Variants in MCTP1 observed in about 807,000 individuals in gnomAD.
MCTP1 encodes the protein multiple C2 and transmembrane domain-containing protein 1.
MCTP1 carries 69 observed loss-of-function variants against 120.6 expected under a neutral mutation model. That is an observed-to-expected ratio of 0.57 (90% CI 0.47 to 0.70). MCTP1 has a LOEUF of 0.70. Among genes scored for constraint, MCTP1 ranks in the 30% least tolerant of loss-of-function variants. The pLI, the probability that MCTP1 is intolerant of heterozygous loss-of-function variation, is 0.00. For missense variants in MCTP1, 1,203 were observed against 1,248.8 expected, an observed-to-expected ratio of 0.96 and a Z score of 0.55; for synonymous variants, 529 against 493.1, an observed-to-expected ratio of 1.07 and a Z score of -0.96.
chr5:94,752,257 G>A (rs1203752979), intron 19 of MCTP1, among the ~76,000 whole-genome samples: 2 of 150,794 alleles, frequency 1.3e-5, no homozygotes, highest in African/African-American at 4.9e-5. Flanking sequence ...TATCCAAAGT[G>A]GTTACCTGAG....
At position 95,142,748 on chromosome 5, in the gene MCTP1, C is replaced by A. The variant is rs577207690; in HGVS notation, c.721-125264G>T. The stretch of plus-strand genomic sequence containing the variant: ...AAAGAGCTCACCGGCCTCTGACCAA[C>A]AATTGCCCTGAATCTTTCACCTCCA... On this transcript the variant is annotated intron_variant, in intron 1 of 22. Transcript: ENST00000515393. Among the ~76,000 whole-genome samples the A allele has an allele frequency of 1.4e-4, 21 of 152,280 alleles. No individual in the cohort carries two copies. The East Asian group carries it at 3.9e-3, about 28-fold the overall frequency.
Position 94,707,323 on chromosome 5 carries a change from T to C in MCTP1, c.*173A>G. ...CCTTTATCAAGTTGAGTCTGTACAATAGAAGTATATATTCAAAGACATATG... is the reference window on the plus strand; with the variant it reads ...CCTTTATCAAGTTGAGTCTGTACAACAGAAGTATATATTCAAAGACATATG... On this transcript the variant is annotated 3_prime_UTR_variant, in exon 23 of 23. Transcript: ENST00000515393. 2 of 568,970 alleles carry C rather than the reference T, an allele frequency of 3.5e-6. No individual in the cohort carries two copies. The highest frequency in any genetic ancestry group is 4.5e-5 in the South Asian group (2 of 44,212). The allele number at this position is 568,970 out of a possible 1,614,324, so 35.2% of individuals were successfully genotyped here.
chr5:95,000,382 G>C (rs1017701904), intron 2 of MCTP1, among the ~76,000 whole-genome samples: 5 of 152,156 alleles, frequency 3.3e-5, no homozygotes, highest in African/African-American at 1.2e-4. Context: ...TCTCAGGCAG[G>C]TCCTTCAGGA....
intron 1 of MCTP1, among the ~76,000 whole-genome samples, chr5:95,212,333 T>C (rs1752483818): frequency 6.6e-6 from 1 of 152,172 alleles, no homozygotes; most frequent in Non-Finnish European, 1.5e-5. Context: ...AATCTCTGAA[T>C]AGACCAATAA....
At chr5:95,007,926 A>C (rs936464856) in intron 2 of MCTP1, among the ~76,000 whole-genome samples, 4 of 152,174 alleles carry the variant, frequency 2.6e-5, no homozygotes, top group Non-Finnish European at 5.9e-5. Flanking sequence ...TCTACTCAAC[A>C]CAGGATTTTT....
chr5:94,743,141 TAAAAA>T (rs11327016), intron 19 of MCTP1, among the ~76,000 whole-genome samples: 1 of 138,850 alleles, frequency 7.2e-6, no homozygotes. Context: ...TAACCCAATG[TAAAAA>T]AAAAAAAAAA....
intron 17 of MCTP1, among the ~76,000 whole-genome samples, chr5:94,838,834 A>G (rs568617130): frequency 6.6e-6 from 1 of 152,302 alleles, no homozygotes; most frequent in Admixed American, 6.5e-5. Flanking sequence ...TAGAAAAGGC[A>G]ACAAGATGAT....
intron 1 of MCTP1, among the ~76,000 whole-genome samples, chr5:95,114,251 C>CAGAA (rs1220317899): frequency 1.3e-5 from 2 of 152,176 alleles, no homozygotes; most frequent in Non-Finnish European, 2.9e-5. Context: ...TTGAGAAATG[C>CAGAA]AGAAAGAAAA....
Position 94,886,348 on chromosome 5 carries a change from C to T in MCTP1, c.1933+2531G>A, listed in dbSNP as rs145552650. Among the ~76,000 whole-genome samples, 4 of 152,268 alleles carry T rather than the reference C, an allele frequency of 2.6e-5. No homozygotes were observed. In the East Asian group the frequency reaches 7.7e-4, roughly 29 times the overall value. ...GTAACTGTAGTAAGATTGATGGCTACTTAAAAGACTATAGAATCTTTCTTT... is the reference window on the plus strand; with the variant it reads ...GTAACTGTAGTAAGATTGATGGCTATTTAAAAGACTATAGAATCTTTCTTT... On this transcript the variant is annotated intron_variant, in intron 12 of 22. Coordinates refer to ENST00000515393, the MANE Select transcript of MCTP1 (RefSeq NM_024717.7).
intron 19 of MCTP1, among the ~76,000 whole-genome samples, chr5:94,723,464 G>A (rs1761360778): frequency 6.6e-6 from 1 of 152,054 alleles, no homozygotes; most frequent in Admixed American, 6.5e-5. Context: ...GTGACTCAGT[G>A]TTAACTTGTC....
intron 1 of MCTP1, among the ~76,000 whole-genome samples, chr5:95,131,652 T>A (rs1344429359): frequency 6.6e-6 from 1 of 152,206 alleles, no homozygotes; most frequent in Non-Finnish European, 1.5e-5. Flanking sequence ...TTTCTTTACT[T>A]ATTTCATTTA....
intron 10 of MCTP1, among the ~76,000 whole-genome samples, chr5:94,906,400 C>T (rs552990495): frequency 2.6e-5 from 4 of 152,038 alleles, no homozygotes; most frequent in African/African-American, 4.8e-5. Context: ...GTGGGAGGAT[C>T]GCTTGAGCCC....
intron 1 of MCTP1, among the ~76,000 whole-genome samples, chr5:95,044,641 AC>A (rs912173471): frequency 1.3e-5 from 2 of 150,824 alleles, no homozygotes; most frequent in African/African-American, 4.9e-5. Context: ...TTCCACTTTG[AC>A]CTCCCTCTGT....
At chr5:94,916,627 T>C (rs1028910343) in intron 8 of MCTP1, among the ~76,000 whole-genome samples, 10 of 152,220 alleles carry the variant, frequency 6.6e-5, no homozygotes, top group Non-Finnish European at 1.3e-4. Flanking sequence ...ACTATGAAAT[T>C]CTGATGCTCT....
intron 1 of MCTP1, among the ~76,000 whole-genome samples, chr5:95,173,033 T>C (rs542868360): frequency 6.6e-6 from 1 of 152,324 alleles, no homozygotes; most frequent in East Asian, 1.9e-4. Context: ...TTTTTTTGTA[T>C]AGTCTGTTGA....
intron 1 of MCTP1, chr5:95,068,791 T>C: frequency 1.6e-6 from 2 of 1,276,508 alleles, no homozygotes; most frequent in Non-Finnish European, 2.0e-6. Context: ...TTACGTTTAC[T>C]GCATTTAGTC....
At chr5:95,010,251 T>C (rs1378590913) in intron 2 of MCTP1, among the ~76,000 whole-genome samples, 1 of 152,110 alleles carries the variant, frequency 6.6e-6, no homozygotes, top group African/African-American at 2.4e-5. Flanking sequence ...CTTCATCCAA[T>C]TGATCTCGAG....
intron 18 of MCTP1, among the ~76,000 whole-genome samples, chr5:94,785,231 G>T (rs1217396205): frequency 6.6e-6 from 1 of 151,702 alleles, no homozygotes; most frequent in Non-Finnish European, 1.5e-5. Context: ...TTTCCTTTTC[G>T]GTATTCTTAA....
intron 19 of MCTP1, among the ~76,000 whole-genome samples, chr5:94,764,636 GA>G (rs1483465893): frequency 1.3e-5 from 2 of 151,856 alleles, no homozygotes; most frequent in Admixed American, 6.6e-5. Context: ...AGGAGACAAA[GA>G]AGGTCATTAT....
Sources: gnomAD v4.1 joint callset for allele counts (sites outside exome capture counted in the v4.1 genomes callset) on GRCh38, gnomAD v4.1.1 for gene constraint, MANE v1.5 for transcripts, NCBI Gene and HGNC (gene_info 2026-07-23, HGNC 2026-07-21) for gene names.